The following MROH1 variants were observed in gnomAD, a reference collection of about 807,000 sequenced individuals.
The protein encoded by MROH1 is maestro heat-like repeat-containing protein family member 1.
A neutral mutation model predicts 116.5 loss-of-function variants in MROH1; 117 were observed. The observed-to-expected ratio is 1.00, with a 90% confidence interval of 0.86 to 1.17. The LOEUF (loss-of-function observed/expected upper bound fraction) is 1.17. Among genes scored for constraint, MROH1 ranks in the 50% most tolerant of loss-of-function variants. The pLI is 0.00. For synonymous variants in MROH1, 921 were observed against 583.9 expected (o/e 1.58, Z -8.32); for missense variants, 1,873 against 1,338.5 (o/e 1.40, Z -6.23).
At chr8:144,242,098 C>T (rs940505535) in intron 22 of MROH1, 42 of 566,300 alleles carry the variant, frequency 7.4e-5, no homozygotes, top group Middle Eastern at 4.9e-4. Flanking sequence ...CCTTGACCCT[C>T]GGCCCTCTGC....
chr8:144,254,754 C>CG (rs1564571639), intron 33 of MROH1, 59 bp from the exon 34 acceptor site: 13 of 722,458 alleles, frequency 1.8e-5, no homozygotes, highest in South Asian at 5.8e-5. Context: ...ACCCAGGTGG[C>CG]GGGGGGCAGG....
intron 10 of MROH1, 152 bp downstream of exon 10, chr8:144,192,553 T>A: frequency 1.4e-6 from 1 of 728,674 alleles, no homozygotes; most frequent in Non-Finnish European, 2.4e-6. Flanking sequence ...TCGGGTGACT[T>A]CTTAGCGATG....
intron 7 of MROH1, among the ~76,000 whole-genome samples, chr8:144,184,851 C>T (rs1302232819): frequency 6.6e-6 from 1 of 152,208 alleles, no homozygotes; most frequent in Non-Finnish European, 1.5e-5. Context: ...TGCTGACTTT[C>T]ACAGCCAGTG....
chr8:144,241,043 G>T lies in MROH1; in HGVS notation c.1987G>T (p.Glu663Ter). Residue 663 changes from glutamate to a stop codon, truncating the protein, a stop_gained, in exon 21 of 44, where the codon GAG (glutamate) becomes TAG (stop). Coordinates refer to ENST00000326134, the MANE Select transcript of MROH1 (RefSeq NM_032450.3). LOFTEE classifies it high-confidence loss of function. ...GTTLGAASSK[E>*]VVRKHLQELL... ...CACCCTGGGTGCTGCTTCAAGTAAGGAGGTGGTGAGGAAGCACCTTCAAGA... is the reference window on the plus strand; with the variant it reads ...CACCCTGGGTGCTGCTTCAAGTAAGTAGGTGGTGAGGAAGCACCTTCAAGA... 2 of 776,018 alleles carry T rather than the reference G, an allele frequency of 2.6e-6. No homozygotes were observed. Among genetic ancestry groups the T allele is most frequent in the South Asian group, 1.4e-5 (1 of 73,482 alleles). 48.1% of individuals were successfully genotyped at this position (776,018 alleles called of 1,614,324 possible).
At position 144,151,417 on chromosome 8, in the gene MROH1, C is replaced by T. The variant is rs906891215; in HGVS notation, c.-177+3341C>T. Among the ~76,000 whole-genome samples, 10 of 152,260 alleles carry T rather than the reference C, an allele frequency of 6.6e-5. No homozygotes were observed. The East Asian group carries it at 7.7e-4, about 12-fold the overall frequency. The stretch of plus-strand genomic sequence containing the variant: ...CAACAGATGCCAGCACTCTGGCAGG[C>T]CATCGACTGGCTGGACAAGGTGGAG... On this transcript the variant is annotated intron_variant, in intron 1 of 43. Coordinates refer to ENST00000326134, the MANE Select transcript of MROH1 (RefSeq NM_032450.3).
At chr8:144,248,391 G>T (rs1197693267) in intron 31 of MROH1, among the ~76,000 whole-genome samples, 1 of 152,192 alleles carries the variant, frequency 6.6e-6, no homozygotes, top group Non-Finnish European at 1.5e-5. Context: ...AACACGGCCT[G>T]TCTCCATTTG....
Position 144,190,951 on chromosome 8 carries a change from G to GCAT in MROH1, c.714+19_714+21dup. Reference sequence around the variant, plus strand: ...AGAAGCCAAGGTATGCCCCGTGGCTGCATCAGTCCACGCCTGATGCCAGGG... The same window carrying GCAT: ...AGAAGCCAAGGTATGCCCCGTGGCTGCATCATCAGTCCACGCCTGATGCCAGGG... On this transcript the variant is annotated intron_variant, in intron 8 of 43. Coordinates refer to ENST00000326134, the MANE Select transcript of MROH1 (RefSeq NM_032450.3). The GCAT allele has an allele frequency of 6.2e-7, 1 of 1,610,824 alleles. No homozygotes were observed. Among genetic ancestry groups the GCAT allele is most frequent in the Admixed American group, 1.7e-5 (1 of 59,872 alleles).
At chr8:144,149,656 C>T (rs932567653) in intron 1 of MROH1, among the ~76,000 whole-genome samples, 1 of 152,124 alleles carries the variant, frequency 6.6e-6, no homozygotes, top group Non-Finnish European at 1.5e-5. Flanking sequence ...TGTGCCGGTC[C>T]ACCCAGCTTG....
At chr8:144,203,397 AGG>A (rs1187051253) in intron 12 of MROH1, among the ~76,000 whole-genome samples, 1 of 123,596 alleles carries the variant, frequency 8.1e-6, no homozygotes, top group Non-Finnish European at 1.7e-5. Context: ...TACTCTGTAG[AGG>A]GTCCTGGAGA....
chr8:144,175,670 T>A (rs1331521000), intron 4 of MROH1: 1 of 546,928 alleles, frequency 1.8e-6, no homozygotes, highest in Non-Finnish European at 2.3e-6. Context: ...ACGCCTGTAA[T>A]CCCAGCACTT....
chr8:144,200,337 G>C, intron 11 of MROH1, 91 bp from the exon 12 acceptor site: 1 of 1,032,564 alleles, frequency 9.7e-7, no homozygotes, highest in African/African-American at 1.6e-5. Context: ...ACTCTCCTCT[G>C]GCTCCTCCCC....
chr8:144,162,728 T>G (rs1819862225), intron 2 of MROH1, among the ~76,000 whole-genome samples: 1 of 151,026 alleles, frequency 6.6e-6, no homozygotes, highest in African/African-American at 2.4e-5. Context: ...TTCTTTTGTT[T>G]TTTTTTTTCT....
intron 10 of MROH1, chr8:144,193,280 G>C (rs1014153850): frequency 6.6e-6 from 1 of 152,374 alleles, no homozygotes; most frequent in African/African-American, 2.4e-5. Flanking sequence ...AAAAGCAACA[G>C]AGAATTGAAT....
intron 10 of MROH1, among the ~76,000 whole-genome samples, chr8:144,198,395 G>T (rs1214493433): frequency 2.0e-5 from 3 of 152,166 alleles, no homozygotes; most frequent in Non-Finnish European, 4.4e-5. Context: ...AGATGCATCT[G>T]CCAGCATCCT....
In MROH1 at chr8:144,260,812, C is replaced by T. The variant is rs1209914182; in HGVS notation, c.4516C>T (p.Pro1506Ser). 1.3e-6 allele frequency: 1 copy of T among 778,054 alleles called. No homozygotes were observed. The highest frequency in any genetic ancestry group is 1.3e-5 in the South Asian group (1 of 74,578). The allele number at this position is 778,054 out of a possible 1,614,324, so 48.2% of individuals were successfully genotyped here. Residue 1506 changes from proline to serine, a missense_variant, in exon 40 of 44, where the codon CCT becomes TCT. Coordinates refer to ENST00000326134, the MANE Select transcript of MROH1 (RefSeq NM_032450.3). ...LAPLLLHLQD[P>S]QATVASACRF... ...GCCCCTGCTGCTGCACCTGCAGGAC[C>T]CTCAGGCCACCGTGGCCAGCGTGAG...
intron 12 of MROH1, among the ~76,000 whole-genome samples, chr8:144,218,650 C>A (rs1193850281): frequency 1.6e-5 from 2 of 127,450 alleles, no homozygotes; most frequent in African/African-American, 5.9e-5. Flanking sequence ...CCTTTACCAT[C>A]CTCCCCTCCT....
chr8:144,190,728 T>C (rs6558318), intron 7 of MROH1, 56 bp from the exon 8 acceptor site: 1,499,587 of 1,582,920 alleles, frequency 0.95, 715,809 homozygotes, highest in East Asian at 0.99. Context: ...ACATAGGTGC[T>C]GAGGATCGTC....
chr8:144,168,163 G>A, intron 3 of MROH1, 132 bp from the exon 4 acceptor site: 1 of 1,076,480 alleles, frequency 9.3e-7, no homozygotes, highest in Non-Finnish European at 1.3e-6. Context: ...AGAGAAAGCA[G>A]CTGTGCCCTC....
chr8:144,236,340 A>T (rs1698036122), intron 14 of MROH1, among the ~76,000 whole-genome samples: 1 of 152,140 alleles, frequency 6.6e-6, no homozygotes, highest in Non-Finnish European at 1.5e-5. Context: ...TCACTTGTCT[A>T]TGCTCGGTTT....
Sources: allele counts gnomAD v4.1 joint callset (sites outside exome capture counted in the v4.1 genomes callset), GRCh38; gene constraint gnomAD v4.1.1; transcripts MANE v1.5; gene names NCBI Gene and HGNC (gene_info 2026-07-23, HGNC 2026-07-21).